The following GRIK4 variants were observed in gnomAD, a reference collection of about 807,000 sequenced individuals.
The protein encoded by GRIK4 is glutamate receptor ionotropic, kainate 4.
Under a neutral mutation model 104.9 loss-of-function variants are expected in GRIK4, and 40 were observed. The ratio of observed to expected loss-of-function variants is 0.38; its 90% CI spans 0.30 to 0.50. The LOEUF (loss-of-function observed/expected upper bound fraction) is 0.50, where lower values mean the gene tolerates loss of function less well. GRIK4 is among the 20% of genes least tolerant of loss of function. GRIK4 has a pLI of 0.93. For synonymous variants in GRIK4, 485 were observed against 524.9 expected (o/e 0.92, Z 1.04); for missense variants, 1,047 against 1,308.1 (o/e 0.80, Z 3.08).
chr11:120,952,728 C>A lies in GRIK4; in HGVS notation c.1591-127C>A. On this transcript the variant is annotated intron_variant, in intron 14 of 20. Transcript: ENST00000527524. This position sits in a 1 kb window ranked among gnomAD's most constrained non-coding sequence, Gnocchi z 5.2. ...CCCAGTGTCATTTAAACCAATCACC[C>A]AGAACCCACAGAAATGGGAACTGGG... The A allele has an allele frequency of 1.4e-6, 1 of 736,430 alleles. No homozygotes were observed. Among genetic ancestry groups the A allele is most frequent in the East Asian group, 2.6e-5 (1 of 38,720 alleles). 45.6% of individuals were successfully genotyped at this position (736,430 alleles called of 1,614,324 possible).
intron 6 of GRIK4, among the ~76,000 whole-genome samples, chr11:120,827,394 C>T (rs1953296080): frequency 6.6e-6 from 1 of 152,176 alleles, no homozygotes; most frequent in African/African-American, 2.4e-5. Flanking sequence ...GCATCCTGAG[C>T]AAGGCTAATA....
intron 1 of GRIK4, among the ~76,000 whole-genome samples, chr11:120,644,758 G>A (rs563470682): frequency 7.2e-5 from 11 of 152,238 alleles, no homozygotes; most frequent in Non-Finnish European, 1.3e-4. Context: ...TAGACAATGA[G>A]GACGATCAAA....
intron 1 of GRIK4, among the ~76,000 whole-genome samples, chr11:120,624,475 C>T (rs912970805): frequency 6.6e-6 from 1 of 152,176 alleles, no homozygotes; most frequent in Non-Finnish European, 1.5e-5. Context: ...CCCATAGCCA[C>T]TCTCTACTCT....
intron 3 of GRIK4, among the ~76,000 whole-genome samples, chr11:120,746,716 T>C (rs1293036873): frequency 6.6e-6 from 1 of 152,168 alleles, no homozygotes; most frequent in Admixed American, 6.5e-5. Context: ...GCTGCAAGCA[T>C]TGGATGGCAA....
Position 120,896,200 on chromosome 11 carries a change from C to T in GRIK4, c.1165-2332C>T, listed in dbSNP as rs115128572. ...GCAATTGAATGGTGGAGGAGTCAGA[C>T]AGGATGACCAGGCAGGCTTCCTCAG... On this transcript the variant is annotated intron_variant, in intron 11 of 20. Transcript: ENST00000527524. Among the ~76,000 whole-genome samples the T allele has an allele frequency of 2.0e-3, 306 of 152,322 alleles. 2 individuals carry two copies. Among genetic ancestry groups the T allele is most frequent in the African/African-American group, 6.8e-3 (283 of 41,570 alleles).
rs1372770820 is a variant in GRIK4 at position 120,902,367 on chromosome 11, T to A, written c.1273-2923T>A. On this transcript the variant is annotated intron_variant, in intron 12 of 20. Transcript: ENST00000527524. This position sits in a 1 kb window ranked among gnomAD's most constrained non-coding sequence, Gnocchi z 4.5. ...AGTGAGCCCTAACCATCCCCATCCT[T>A]GGGCTTTCCAACGCGTCTCCAAGAC... Among the ~76,000 whole-genome samples the A allele has an allele frequency of 6.6e-6, 1 of 152,188 alleles. No homozygotes were observed. Among genetic ancestry groups the A allele is most frequent in the East Asian group, 1.9e-4 (1 of 5,196 alleles).
rs141303042 is a variant in GRIK4, at chr11:120,639,675, C to T, written c.-158-14010C>T. 4.3e-3 allele frequency among the ~76,000 whole-genome samples: 657 copies of T among 152,314 alleles called. 9 individuals are homozygous for T. Among genetic ancestry groups the T allele is most frequent in the African/African-American group, 0.014 (601 of 41,560 alleles). On this transcript the variant is annotated intron_variant, in intron 1 of 20. Coordinates refer to ENST00000527524, the MANE Select transcript of GRIK4 (RefSeq NM_014619.5). ...CTCCTAAAAAGCTCGCAAATGCAAA[C>T]GTCTCTTCCTCTGCCACTTCTACCT...
chr11:120,905,271 C>G lies in GRIK4; in HGVS notation c.1273-19C>G. On this transcript the variant is annotated intron_variant, in intron 12 of 20. Coordinates refer to ENST00000527524, the MANE Select transcript of GRIK4 (RefSeq NM_014619.5). The surrounding 1 kb of genome is among the most constrained non-coding windows in gnomAD (Gnocchi z 5.1). ...ACCAGGGCTAAGATGAGAATGACAGCTGCCCAGTTTTGCTGCAGGAGAACC... is the reference window on the plus strand; with the variant it reads ...ACCAGGGCTAAGATGAGAATGACAGGTGCCCAGTTTTGCTGCAGGAGAACC... The G allele has an allele frequency of 6.4e-7, 1 of 1,569,052 alleles. No homozygotes were observed. The highest frequency in any genetic ancestry group is 1.4e-5 in the African/African-American group (1 of 74,002).
chr11:120,751,242 G>A (rs1193307074), intron 3 of GRIK4, among the ~76,000 whole-genome samples: 2 of 152,120 alleles, frequency 1.3e-5, no homozygotes, highest in African/African-American at 2.4e-5. Flanking sequence ...AGCCTTGCCA[G>A]TGGGAAGCAC....
intron 1 of GRIK4, among the ~76,000 whole-genome samples, chr11:120,605,398 C>G (rs1220892860): frequency 6.6e-6 from 1 of 152,236 alleles, no homozygotes; most frequent in Non-Finnish European, 1.5e-5. Context: ...GGGACAAAAT[C>G]TCTCTGAGCC....
intron 3 of GRIK4, among the ~76,000 whole-genome samples, chr11:120,792,867 A>G (rs1952428991): frequency 6.6e-6 from 1 of 152,186 alleles, no homozygotes. Context: ...GCTATGAAAT[A>G]GATCAATCAG....
intron 6 of GRIK4, among the ~76,000 whole-genome samples, chr11:120,820,704 A>G (rs1953100640): frequency 6.6e-6 from 1 of 152,044 alleles, no homozygotes; most frequent in Admixed American, 6.5e-5. Context: ...GGGGGTTTTT[A>G]TGGGTTGCAC....
chr11:120,593,391 C>A (rs1948760071), intron 1 of GRIK4, among the ~76,000 whole-genome samples: 1 of 152,092 alleles, frequency 6.6e-6, no homozygotes, highest in African/African-American at 2.4e-5. Context: ...CCATGTTGCC[C>A]AATCCTGTGG....
intron 8 of GRIK4, 123 bp from the exon 9 acceptor site, chr11:120,861,836 C>T (rs1954272857): frequency 6.6e-6 from 5 of 752,200 alleles, no homozygotes; most frequent in Non-Finnish European, 1.2e-5. Context: ...ACCCCTAGGT[C>T]CCAACAGAGT....
intron 3 of GRIK4, among the ~76,000 whole-genome samples, chr11:120,701,439 T>G (rs1448964979): frequency 6.6e-6 from 1 of 152,192 alleles, no homozygotes; most frequent in African/African-American, 2.4e-5. Context: ...ATTCAGGTTG[T>G]GGCAAATGGC....
intron 1 of GRIK4, among the ~76,000 whole-genome samples, chr11:120,536,333 A>T (rs923039295): frequency 1.3e-5 from 2 of 152,200 alleles, no homozygotes; most frequent in African/African-American, 2.4e-5. Flanking sequence ...TCTCTGTTTC[A>T]AAAGCTTTCC....
intron 1 of GRIK4, among the ~76,000 whole-genome samples, chr11:120,619,107 A>G (rs1430106122): frequency 6.6e-6 from 1 of 152,222 alleles, no homozygotes. Context: ...GCAGAGCCAC[A>G]AGAGGAGAGC....
At chr11:120,855,748 A>T (rs1466439238) in intron 8 of GRIK4, among the ~76,000 whole-genome samples, 1 of 152,174 alleles carries the variant, frequency 6.6e-6, no homozygotes, top group Admixed American at 6.5e-5. Flanking sequence ...TTTTTAGTAG[A>T]GATGGGGTTT....
intron 13 of GRIK4, among the ~76,000 whole-genome samples, chr11:120,930,847 G>A (rs958625330): frequency 6.6e-6 from 1 of 152,120 alleles, no homozygotes; most frequent in Non-Finnish European, 1.5e-5. Flanking sequence ...TGGAGATGGG[G>A]CTGAACTTGC....
Sources: allele counts gnomAD v4.1 joint callset (sites outside exome capture counted in the v4.1 genomes callset), GRCh38; gene constraint gnomAD v4.1.1; non-coding constraint Gnocchi (gnomAD v3.1); transcripts MANE v1.5; gene names NCBI Gene and HGNC (gene_info 2026-07-23, HGNC 2026-07-21).